Variants in CSMD1 observed in about 807,000 individuals in gnomAD.
CSMD1 encodes the protein CUB and Sushi multiple domains 1, also known as CUB and sushi domain-containing protein 1.
In CSMD1, 213 loss-of-function variants were observed where a neutral mutation model predicts 417.5. The ratio of observed to expected loss-of-function variants is 0.51; its 90% confidence interval spans 0.46 to 0.57. The LOEUF is 0.57. Among genes scored for constraint, CSMD1 ranks in the 20% least tolerant of loss-of-function variants. CSMD1 has a pLI of 0.00. For missense variants in CSMD1, 6,923 were observed against 4,529.7 expected, an observed-to-expected ratio of 1.53 and a Z score of -15.17; for synonymous variants, 2,862 against 1,736.8, an observed-to-expected ratio of 1.65 and a Z score of -16.11.
chr8:4,159,484 A>C (rs1359260145), intron 3 of CSMD1, among the ~76,000 whole-genome samples: 2 of 152,224 alleles, frequency 1.3e-5, no homozygotes, highest in African/African-American at 4.8e-5. Context: ...TCCATCAATC[A>C]ACGAGTGGAT....
chr8:4,505,068 C>T (rs759398923), intron 2 of CSMD1, among the ~76,000 whole-genome samples: 1 of 152,286 alleles, frequency 6.6e-6, no homozygotes, highest in Non-Finnish European at 1.5e-5. Flanking sequence ...CTGTCTTCCA[C>T]AATGGTTGAA....
At chr8:3,756,436 C>G (rs536510425) in intron 5 of CSMD1, among the ~76,000 whole-genome samples, 1 of 151,580 alleles carries the variant, frequency 6.6e-6, no homozygotes, top group Non-Finnish European at 1.5e-5. Flanking sequence ...ATACAAAAAA[C>G]GTTAAATTCA....
At chr8:4,799,139 A>G (rs1020079853) in intron 1 of CSMD1, among the ~76,000 whole-genome samples, 21 of 152,268 alleles carry the variant, frequency 1.4e-4, no homozygotes, top group African/African-American at 5.1e-4. Flanking sequence ...GATCAACTCA[A>G]TACATGAGAG....
intron 3 of CSMD1, among the ~76,000 whole-genome samples, chr8:4,279,207 A>AACAC (rs111435983): frequency 1.3e-5 from 2 of 151,948 alleles, no homozygotes; most frequent in African/African-American, 4.8e-5. Context: ...TATACACACT[A>AACAC]ACACACACAC....
intron 10 of CSMD1, among the ~76,000 whole-genome samples, chr8:3,511,149 A>G (rs1049971392): frequency 4.0e-5 from 6 of 151,892 alleles, no homozygotes; most frequent in Admixed American, 3.9e-4. Context: ...CAAACACTGC[A>G]TGTTCTCAGT....
chr8:4,186,812 C>A (rs112635973), intron 3 of CSMD1, among the ~76,000 whole-genome samples: 1,826 of 146,338 alleles, frequency 0.012, 36 homozygotes, highest in African/African-American at 0.044. Flanking sequence ...CATGGTGACA[C>A]CCCGTCTCTA....
At chr8:4,355,488 G>C (rs866210583) in intron 3 of CSMD1, among the ~76,000 whole-genome samples, 1 of 152,086 alleles carries the variant, frequency 6.6e-6, no homozygotes, top group South Asian at 2.1e-4. Context: ...ATTAAAAGTA[G>C]AGTGAATGAA....
intron 8 of CSMD1, among the ~76,000 whole-genome samples, chr8:3,612,793 T>C (rs75411310): frequency 0.079 from 12,015 of 152,020 alleles, 757 homozygotes; most frequent in East Asian, 0.25. Flanking sequence ...TAGAGGAAAA[T>C]TGATAGCAGT....
At chr8:3,986,268 C>G (rs1476084777) in intron 5 of CSMD1, among the ~76,000 whole-genome samples, 1 of 152,098 alleles carries the variant, frequency 6.6e-6, no homozygotes, top group Non-Finnish European at 1.5e-5. Flanking sequence ...CTGAGGGCAT[C>G]AACATTCTCT....
chr8:4,563,175 G>T (rs1798426939), intron 2 of CSMD1, among the ~76,000 whole-genome samples: 1 of 152,128 alleles, frequency 6.6e-6, no homozygotes. Flanking sequence ...GCCGAGGCAG[G>T]CGGATCACGA....
intron 3 of CSMD1, among the ~76,000 whole-genome samples, chr8:4,210,175 G>C (rs935739236): frequency 1.3e-5 from 2 of 152,192 alleles, no homozygotes; most frequent in African/African-American, 4.8e-5. Flanking sequence ...TGCTGCCTCA[G>C]CCCATCTGTG....
intron 3 of CSMD1, among the ~76,000 whole-genome samples, chr8:4,173,231 C>T (rs1024669034): frequency 6.6e-6 from 1 of 152,250 alleles, no homozygotes; most frequent in South Asian, 2.1e-4. Flanking sequence ...CTCTTTAATG[C>T]AAGCTTGTCT....
At chr8:3,905,823 C>T (rs1195192306) in intron 5 of CSMD1, among the ~76,000 whole-genome samples, 2 of 152,198 alleles carry the variant, frequency 1.3e-5, no homozygotes, top group African/African-American at 4.8e-5. Context: ...GTCCAAACAT[C>T]TGGGCCTGGC....
At chr8:3,012,241 G>C (rs1808445260) in intron 52 of CSMD1, among the ~76,000 whole-genome samples, 1 of 152,186 alleles carries the variant, frequency 6.6e-6, no homozygotes, top group East Asian at 1.9e-4. Flanking sequence ...TTAGAATCCA[G>C]ACCAGGGACC....
rs1325846799 is a variant in CSMD1, at chr8:2,980,597, C to CAAATGTTCT, written c.8378-1798_8378-1797insAGAACATTT. On this transcript the variant is annotated intron_variant, in intron 54 of 69. Coordinates refer to ENST00000635120, the MANE Select transcript of CSMD1 (RefSeq NM_033225.6). ...CAGTAACAACAGGATCCAGTCACACCCTTCTCCTTGCAGGCAGAGAACCAA... is the reference window on the plus strand; with the variant it reads ...CAGTAACAACAGGATCCAGTCACACCAAATGTTCTCTTCTCCTTGCAGGCAGAGAACCAA... 5.0e-3 allele frequency among the ~76,000 whole-genome samples: 765 copies of CAAATGTTCT among 152,238 alleles called. 6 individuals carry two copies. Among genetic ancestry groups the CAAATGTTCT allele is most frequent in the African/African-American group, 0.018 (731 of 41,526 alleles).
At chr8:4,077,054 C>T (rs1298936507) in intron 3 of CSMD1, among the ~76,000 whole-genome samples, 2 of 151,804 alleles carry the variant, frequency 1.3e-5, no homozygotes, top group East Asian at 3.9e-4. Context: ...GGTATCTAAC[C>T]CTTATTCTCA....
At chr8:3,804,780 A>C (rs548170222) in intron 5 of CSMD1, among the ~76,000 whole-genome samples, 1 of 152,358 alleles carries the variant, frequency 6.6e-6, no homozygotes, top group East Asian at 1.9e-4. Flanking sequence ...CTGAGAAAGA[A>C]AATATGTTTG....
chr8:3,241,295 C>A (rs61113769), intron 26 of CSMD1, among the ~76,000 whole-genome samples: 1 of 149,368 alleles, frequency 6.7e-6, no homozygotes, highest in African/African-American at 2.5e-5. Flanking sequence ...GAAGCCTGGC[C>A]GTCAATACCC....
chr8:3,689,493 T>G (rs1237641647), intron 7 of CSMD1, among the ~76,000 whole-genome samples: 1 of 152,212 alleles, frequency 6.6e-6, no homozygotes, highest in Non-Finnish European at 1.5e-5. Flanking sequence ...AGTGTTTTTA[T>G]TCTCACTCTG....
Sources: allele counts gnomAD v4.1 joint callset (sites outside exome capture counted in the v4.1 genomes callset), GRCh38; gene constraint gnomAD v4.1.1; transcripts MANE v1.5; gene names NCBI Gene and HGNC (gene_info 2026-07-23, HGNC 2026-07-21).